The following MAP3K9 variants were observed in gnomAD, a reference collection of about 807,000 sequenced individuals.
The protein encoded by MAP3K9 is mitogen-activated protein kinase kinase kinase 9.
MAP3K9 carries 46 observed loss-of-function variants against 95.8 expected under a neutral mutation model. That is an observed-to-expected ratio of 0.48 (90% CI 0.38 to 0.61). The LOEUF (loss-of-function observed/expected upper bound fraction) is 0.61. MAP3K9 is among the 20% of genes least tolerant of loss of function. The pLI is 0.00. For missense variants in MAP3K9, 1,296 were observed against 1,474.3 expected, an observed-to-expected ratio of 0.88 and a Z score of 1.98; for synonymous variants, 533 against 593.8, an observed-to-expected ratio of 0.90 and a Z score of 1.49.
chr14:70,777,397 T>C (rs1490020989), intron 2 of MAP3K9, among the ~76,000 whole-genome samples: 2 of 152,058 alleles, frequency 1.3e-5, no homozygotes, highest in African/African-American at 4.8e-5. Context: ...CTCCAAAACC[T>C]CTGGACCCCA....
chr14:70,793,210 T>C (rs1319331435), intron 2 of MAP3K9, among the ~76,000 whole-genome samples: 1 of 152,124 alleles, frequency 6.6e-6, no homozygotes, highest in East Asian at 1.9e-4. Context: ...AGTGGAGACG[T>C]GGGCCAGTGA....
chr14:70,764,316 G>C (rs188901641), intron 2 of MAP3K9, among the ~76,000 whole-genome samples: 1,564 of 147,550 alleles, frequency 0.011, 10 homozygotes, highest in Middle Eastern at 0.021. Flanking sequence ...CCCTTCCAGA[G>C]GAACAAGATG....
intron 5 of MAP3K9, among the ~76,000 whole-genome samples, chr14:70,747,958 A>G (rs1183073525): frequency 1.3e-5 from 2 of 151,950 alleles, no homozygotes; most frequent in African/African-American, 4.8e-5. Context: ...AATACAAGAA[A>G]TTAGCCGGGC....
In MAP3K9 at chr14:70,723,027, T is replaced by C. The variant is rs963488295; in HGVS notation, c.*7353A>G. The C allele has an allele frequency of 6.6e-6, 1 of 152,188 alleles. No homozygotes were observed. The highest frequency in any genetic ancestry group is 1.5e-5 in the Non-Finnish European group (1 of 68,044). The allele number at this position is 152,188 out of a possible 1,614,324, so 9.4% of individuals were successfully genotyped here. ...TCTACAAGCCTTAGACTATAAGATA[T>C]CTGGGTTTCGGTGGGGAGTGCAGGA... On this transcript the variant is annotated 3_prime_UTR_variant, in exon 12 of 12. Transcript: ENST00000554752.
chr14:70,787,313 C>T (rs1440192388), intron 2 of MAP3K9, among the ~76,000 whole-genome samples: 1 of 151,716 alleles, frequency 6.6e-6, no homozygotes, highest in Non-Finnish European at 1.5e-5. Context: ...TTGAGACCAG[C>T]CTGGCCAACA....
intron 2 of MAP3K9, among the ~76,000 whole-genome samples, chr14:70,790,645 A>C (rs1366540454): frequency 6.6e-6 from 1 of 152,218 alleles, no homozygotes; most frequent in African/African-American, 2.4e-5. Context: ...AAATGAATGT[A>C]TCCACATTTT....
chr14:70,723,392 G>A lies in MAP3K9; in HGVS notation c.*6988C>T, dbSNP rs1332841779. On this transcript the variant is annotated 3_prime_UTR_variant, in exon 12 of 12. Transcript: ENST00000554752. Reference sequence around the variant, plus strand: ...CCTGGAGTCATGGAGAGGAAACAGGGCGAGGAAGGCAGCCAGCAGCATCAA... The same window carrying A: ...CCTGGAGTCATGGAGAGGAAACAGGACGAGGAAGGCAGCCAGCAGCATCAA... 1 of 152,394 alleles carries A rather than the reference G, an allele frequency of 6.6e-6. No homozygotes were observed. The highest frequency in any genetic ancestry group is 6.5e-5 in the Admixed American group (1 of 15,282). 9.4% of individuals were successfully genotyped at this position (152,394 alleles called of 1,614,324 possible). A position where few individuals can be genotyped will look rare whatever the true frequency, so the allele number is the denominator to read the frequency against.
In MAP3K9 at chr14:70,732,826, G is replaced by C. The variant is rs1449370458; in HGVS notation, c.2543C>G (p.Ser848Cys). The C allele has an allele frequency of 1.2e-6, 2 of 1,614,080 alleles. No individual in the cohort carries two copies. Reference sequence around the variant, plus strand: ...TTCATCGCTGTCGGAGCGCAGCAGGGAGCGTGTGGAGTTGCACTCGGAGAT... The same window carrying C: ...TTCATCGCTGTCGGAGCGCAGCAGGCAGCGTGTGGAGTTGCACTCGGAGAT... Reference protein sequence around the residue: ...SSISECNSTRSLLRSDSDEIV... With the variant: ...SSISECNSTRCLLRSDSDEIV... Residue 848 changes from serine to cysteine, a missense_variant, in exon 11 of 12, where the codon TCC (serine) becomes TGC (cysteine). By Grantham distance (112) the Ser-to-Cys change is moderately radical. Coordinates refer to ENST00000554752, the MANE Select transcript of MAP3K9 (RefSeq NM_001284230.2).
At chr14:70,800,591 A>G in intron 2 of MAP3K9, 76 bp downstream of exon 2, 1 of 1,449,616 alleles carries the variant, frequency 6.9e-7, no homozygotes, top group Non-Finnish European at 9.5e-7. Context: ...TTCCATTAGA[A>G]GTCCACTCCT....
In MAP3K9 at chr14:70,730,261, T is replaced by A; in HGVS notation, c.*119A>T. ...CCATCCCTTCCATCTTCAAAGTGCATTATCAGTGCAAGAAGTAGGGCTGGA... is the reference window on the plus strand; with the variant it reads ...CCATCCCTTCCATCTTCAAAGTGCAATATCAGTGCAAGAAGTAGGGCTGGA... On this transcript the variant is annotated 3_prime_UTR_variant, in exon 12 of 12. Transcript: ENST00000554752. 1 of 1,405,364 alleles carries A rather than the reference T, an allele frequency of 7.1e-7. No individual in the cohort carries two copies. The highest frequency in any genetic ancestry group is 9.6e-7 in the Non-Finnish European group (1 of 1,041,942). 87.1% of individuals were successfully genotyped at this position (1,405,364 alleles called of 1,614,324 possible).
At position 70,728,695 on chromosome 14, in the gene MAP3K9, A is replaced by C. The variant is rs898272727; in HGVS notation, c.*1685T>G. Reference sequence around the variant, plus strand: ...CAAAGTGCTAATGGGCTCATAAAGCAAGGAACAAGGTCACCCCTTTAGTGA... The same window carrying C: ...CAAAGTGCTAATGGGCTCATAAAGCCAGGAACAAGGTCACCCCTTTAGTGA... On this transcript the variant is annotated 3_prime_UTR_variant, in exon 12 of 12. Coordinates refer to ENST00000554752, the MANE Select transcript of MAP3K9 (RefSeq NM_001284230.2). 1 of 152,220 alleles carries C rather than the reference A, an allele frequency of 6.6e-6. No homozygotes were observed. Among genetic ancestry groups the C allele is most frequent in the African/African-American group, 2.4e-5 (1 of 41,456 alleles). 9.4% of individuals were successfully genotyped at this position (152,220 alleles called of 1,614,324 possible). A position where few individuals can be genotyped will look rare whatever the true frequency, so the allele number is the denominator to read the frequency against.
chr14:70,774,391 C>T (rs1332273987), intron 2 of MAP3K9, among the ~76,000 whole-genome samples: 1 of 152,184 alleles, frequency 6.6e-6, no homozygotes, highest in African/African-American at 2.4e-5. Flanking sequence ...TCAGGCTGGG[C>T]GCGGTGGCTC....
At chr14:70,785,453 T>C (rs901122805) in intron 2 of MAP3K9, among the ~76,000 whole-genome samples, 5 of 152,202 alleles carry the variant, frequency 3.3e-5, no homozygotes, top group East Asian at 1.9e-4. Flanking sequence ...AGAACAACTA[T>C]ACTATAAGAA....
intron 5 of MAP3K9, among the ~76,000 whole-genome samples, chr14:70,747,925 G>A (rs1057314840): frequency 6.6e-6 from 1 of 151,962 alleles, no homozygotes; most frequent in East Asian, 1.9e-4. Flanking sequence ...TGGCTAACAC[G>A]GTGAAACCCC....
intron 1 of MAP3K9, among the ~76,000 whole-genome samples, chr14:70,803,253 T>C: frequency 6.7e-6 from 1 of 148,634 alleles, no homozygotes; most frequent in Non-Finnish European, 1.5e-5. Context: ...CTTTATAAAT[T>C]ACCCAGCCTC....
At chr14:70,735,722 G>A (rs957974376) in intron 9 of MAP3K9, among the ~76,000 whole-genome samples, 1 of 152,174 alleles carries the variant, frequency 6.6e-6, no homozygotes, top group South Asian at 2.1e-4. Context: ...AAAACCAAGA[G>A]TGCCAGGAGT....
intron 2 of MAP3K9, among the ~76,000 whole-genome samples, chr14:70,778,361 C>T (rs1451481954): frequency 6.6e-6 from 1 of 151,772 alleles, no homozygotes; most frequent in East Asian, 1.9e-4. Flanking sequence ...ACTGCAACTC[C>T]GTCTCTCAGG....
At chr14:70,734,156 C>T (rs1018247317) in intron 10 of MAP3K9, among the ~76,000 whole-genome samples, 2 of 152,220 alleles carry the variant, frequency 1.3e-5, no homozygotes, top group Non-Finnish European at 2.9e-5. Context: ...AATAAACTTC[C>T]TTTTGGTTGC....
At chr14:70,801,440 T>A (rs1422361782) in intron 1 of MAP3K9, among the ~76,000 whole-genome samples, 1 of 152,170 alleles carries the variant, frequency 6.6e-6, no homozygotes, top group African/African-American at 2.4e-5. Context: ...AATATAGAGA[T>A]GGGGTTTTGC....
Sources: allele counts gnomAD v4.1 joint callset (sites outside exome capture counted in the v4.1 genomes callset), GRCh38; gene constraint gnomAD v4.1.1; transcripts MANE v1.5; gene names NCBI Gene and HGNC (gene_info 2026-07-23, HGNC 2026-07-21).